The following CBFA2T3 variants were observed in gnomAD, a reference collection of about 807,000 sequenced individuals.
The protein encoded by CBFA2T3 is CBFA2/RUNX1 partner transcriptional co-repressor 3, also known as transcriptional corepressor CBFA2T3.
Under a neutral mutation model 58.6 loss-of-function variants are expected in CBFA2T3, and 31 were observed. The ratio of observed to expected loss-of-function variants is 0.53; its 90% CI spans 0.40 to 0.71. CBFA2T3 has a LOEUF of 0.71. Among genes scored for constraint, CBFA2T3 ranks in the 30% least tolerant of loss-of-function variants. The probability of loss-of-function intolerance (pLI) is 0.00; values close to 1 mark genes in which losing one functional copy is unlikely to be tolerated. For missense variants in CBFA2T3, 1,076 were observed against 963.1 expected, an observed-to-expected ratio of 1.12 and a Z score of -1.55; for synonymous variants, 531 against 421.9, an observed-to-expected ratio of 1.26 and a Z score of -3.17.
intron 1 of CBFA2T3, among the ~76,000 whole-genome samples, chr16:88,924,339 G>A (rs1426710413): frequency 2.6e-5 from 4 of 152,212 alleles, no homozygotes; most frequent in African/African-American, 4.8e-5. Context: ...CACAAGCTCC[G>A]CCCTGGCCCT....
chr16:88,891,559 G>A (rs946846471), intron 5 of CBFA2T3, among the ~76,000 whole-genome samples: 1 of 152,188 alleles, frequency 6.6e-6, no homozygotes, highest in African/African-American at 2.4e-5. Flanking sequence ...GAGTGAGCGA[G>A]CACATTCGGC....
In CBFA2T3 at chr16:88,894,395, A is replaced by G. The variant is rs796392126; in HGVS notation, c.380-1910T>C. Among the ~76,000 whole-genome samples the G allele has an allele frequency of 3.9e-3, 321 of 81,476 alleles. 1 individual carries two copies. Among genetic ancestry groups the G allele is most frequent in the East Asian group, 6.6e-3 (11 of 1,664 alleles). 53.5% of individuals were successfully genotyped at this position (81,476 alleles called of 152,430 possible). On this transcript the variant is annotated intron_variant, in intron 3 of 11. Coordinates refer to ENST00000268679, the MANE Select transcript of CBFA2T3 (RefSeq NM_005187.6). The stretch of plus-strand genomic sequence containing the variant: ...ATGCACACAATGTACACACATGCAC[A>G]CACACATGCACACACACATGCATAC...
At chr16:88,975,257 C>CTCTGCTCCACATCTTTAGCCA (rs1972823102) in intron 1 of CBFA2T3, among the ~76,000 whole-genome samples, 1 of 151,104 alleles carries the variant, frequency 6.6e-6, no homozygotes. Context: ...CCCTGACCCT[C>CTCTGCTCCACATCTTTAGCCA]TGTTTCATGC....
At chr16:88,967,047 T>C (rs1207765276) in intron 1 of CBFA2T3, among the ~76,000 whole-genome samples, 1 of 152,116 alleles carries the variant, frequency 6.6e-6, no homozygotes, top group East Asian at 1.9e-4. Context: ...CACGGGAAAT[T>C]GACGCACTCA....
intron 5 of CBFA2T3, among the ~76,000 whole-genome samples, chr16:88,890,586 G>A (rs962597222): frequency 2.6e-5 from 4 of 152,250 alleles, no homozygotes; most frequent in African/African-American, 9.6e-5. Context: ...TGCTAGAGAT[G>A]TGCAGCCGTC....
intron 1 of CBFA2T3, among the ~76,000 whole-genome samples, chr16:88,916,737 T>A (rs1970750007): frequency 6.6e-6 from 1 of 152,076 alleles, no homozygotes; most frequent in Non-Finnish European, 1.5e-5. Context: ...GTTTTATTTT[T>A]AAAAATGCCT....
chr16:88,975,243 C>CCA (rs1972821730), intron 1 of CBFA2T3, among the ~76,000 whole-genome samples: 1 of 55,486 alleles, frequency 1.8e-5, no homozygotes, highest in Admixed American at 2.2e-4. Flanking sequence ...ATGTCAGAGG[C>CCA]CCGCCCTGAC....
rs1226758244 is a variant in CBFA2T3 at position 88,881,325 on chromosome 16, G to T, written c.1368C>A (p.Arg456=). 2 of 1,586,436 alleles carry T rather than the reference G, an allele frequency of 1.3e-6. No individual in the cohort carries two copies. The highest frequency in any genetic ancestry group is 4.6e-5 in the East Asian group (2 of 43,908). Residue 456 remains arginine (R), a synonymous_variant, in exon 9 of 12, where the codon CGC becomes CGA. Transcript: ENST00000268679. The part of the protein sequence containing the change: ...KGPAPAAARP[R]SSSAGPEGPQ... The stretch of plus-strand genomic sequence containing the variant: ...GCCCTTCGGGACCGGCGGAGCTGCT[G>T]CGGGGCCGGGCCGCGGCGGGAGCGG...
chr16:88,924,850 G>C (rs909328181), intron 1 of CBFA2T3, among the ~76,000 whole-genome samples: 5 of 152,220 alleles, frequency 3.3e-5, no homozygotes, highest in African/African-American at 9.6e-5. Context: ...CCACAGCTTC[G>C]GGCTGATGGA....
chr16:88,941,233 C>G (rs1298420340), intron 1 of CBFA2T3: 19 of 947,868 alleles, frequency 2.0e-5, no homozygotes. Context: ...CTCCGGCCAC[C>G]CCGCGCGGGA....
intron 1 of CBFA2T3, among the ~76,000 whole-genome samples, chr16:88,906,952 G>C (rs76620267): frequency 0.068 from 10,350 of 152,304 alleles, 709 homozygotes; most frequent in African/African-American, 0.17. Flanking sequence ...ACGCTGGCTC[G>C]TACTGGAGGC....
chr16:88,959,265 T>C (rs890523443), intron 1 of CBFA2T3, among the ~76,000 whole-genome samples: 11 of 152,170 alleles, frequency 7.2e-5, no homozygotes, highest in African/African-American at 2.7e-4. Flanking sequence ...GCAGCTGCTG[T>C]GGCCGCGGAC....
intron 1 of CBFA2T3, among the ~76,000 whole-genome samples, chr16:88,970,530 C>T (rs1972625317): frequency 6.6e-6 from 1 of 152,230 alleles, no homozygotes; most frequent in Non-Finnish European, 1.5e-5. Flanking sequence ...TTTGTGTCCT[C>T]ATCTGAGGTC....
At chr16:88,948,256 G>A (rs567967583) in intron 1 of CBFA2T3, among the ~76,000 whole-genome samples, 31 of 152,348 alleles carry the variant, frequency 2.0e-4, no homozygotes, top group African/African-American at 7.5e-4. Flanking sequence ...CCTCAATTCT[G>A]TTTCATGCAA....
chr16:88,890,354 A>C (rs1188829405), intron 5 of CBFA2T3, among the ~76,000 whole-genome samples: 4 of 152,212 alleles, frequency 2.6e-5, no homozygotes, highest in African/African-American at 9.6e-5. Flanking sequence ...CTCGGGCTCA[A>C]GCCAGGGAGC....
chr16:88,905,538 T>C (rs1051937400), intron 1 of CBFA2T3, among the ~76,000 whole-genome samples: 6 of 151,486 alleles, frequency 4.0e-5, no homozygotes, highest in Non-Finnish European at 8.8e-5. Context: ...TCGCCCAGGG[T>C]AGCCTTCAAA....
At chr16:88,877,356 AC>A in intron 11 of CBFA2T3, 81 bp from the exon 12 acceptor site, 3 of 1,164,642 alleles carry the variant, frequency 2.6e-6, no homozygotes, top group African/African-American at 1.6e-5. Context: ...AGCCATTCAG[AC>A]CCAGCCACGT....
At chr16:88,933,733 C>G (rs1328939893) in intron 1 of CBFA2T3, among the ~76,000 whole-genome samples, 1 of 147,588 alleles carries the variant, frequency 6.8e-6, no homozygotes, top group East Asian at 2.0e-4. Flanking sequence ...CCTCTGCACA[C>G]GTCACGTGCC....
intron 5 of CBFA2T3, among the ~76,000 whole-genome samples, chr16:88,888,805 G>A (rs561272457): frequency 6.6e-5 from 10 of 151,818 alleles, no homozygotes; most frequent in Non-Finnish European, 1.0e-4. Context: ...CCCGGGCCCC[G>A]GGTGGGGGCA....
Sources: gnomAD v4.1 joint callset for allele counts (sites outside exome capture counted in the v4.1 genomes callset) on GRCh38, gnomAD v4.1.1 for gene constraint, MANE v1.5 for transcripts, NCBI Gene and HGNC (gene_info 2026-07-23, HGNC 2026-07-21) for gene names.